Variants in PATL2 observed in about 807,000 individuals in gnomAD.
PATL2 encodes the protein PAT1 homolog 2, also known as protein PAT1 homolog 2.
Under a neutral mutation model 77.0 loss-of-function variants are expected in PATL2, and 73 were observed. The ratio of observed to expected loss-of-function variants is 0.95; its 90% CI spans 0.78 to 1.15. The LOEUF (loss-of-function observed/expected upper bound fraction) is 1.15, where lower values mean the gene tolerates loss of function less well. Among genes scored for constraint, PATL2 ranks in the 50% most tolerant of loss-of-function variants. The pLI, the probability that PATL2 is intolerant of heterozygous loss-of-function variation, is 0.00. For synonymous variants in PATL2, 265 were observed against 257.1 expected (o/e 1.03, Z -0.29); for missense variants, 618 against 655.4 (o/e 0.94, Z 0.62).
chr15:44,678,615 G>A (rs191319277), intron 3 of PATL2, among the ~76,000 whole-genome samples: 1 of 152,076 alleles, frequency 6.6e-6, no homozygotes, highest in Non-Finnish European at 1.5e-5. Flanking sequence ...GCTTCTTCTA[G>A]AATAAGAAGT....
chr15:44,668,943 A>G, intron 14 of PATL2, 37 bp downstream of exon 14: 1 of 1,494,890 alleles, frequency 6.7e-7, no homozygotes, highest in Non-Finnish European at 9.0e-7. Flanking sequence ...TAACCTATTC[A>G]GGAGACCATC....
chr15:44,681,724 T>C (rs1481103881), intron 3 of PATL2, among the ~76,000 whole-genome samples: 11 of 152,222 alleles, frequency 7.2e-5, no homozygotes, highest in African/African-American at 2.4e-4. Context: ...CTGATATCCC[T>C]GGGCAATCTC....
At position 44,669,075 on chromosome 15, in the gene PATL2, G is replaced by T. The variant is rs1566848637; in HGVS notation, c.1129C>A (p.Leu377Met). The stretch of plus-strand genomic sequence containing the variant: ...TGATCCTGGGGCAGGAAGGGGAGCA[G>T]CCGGGCCACCAGGGCCTTCCCCTTC... ...VRKGKALVAR[L>M]LPFLPQDQAV... The change falls in exon 14 of 18, where the codon CTG (leucine) becomes ATG (methionine). Residue 377 changes from leucine to methionine, a missense_variant. Coordinates refer to ENST00000682850, the MANE Select transcript of PATL2 (RefSeq NM_001387263.1). 1 of 1,551,182 alleles carries T rather than the reference G, an allele frequency of 6.4e-7. No individual in the cohort carries two copies. The highest frequency in any genetic ancestry group is 8.7e-7 in the Non-Finnish European group (1 of 1,146,714).
Position 44,672,310 on chromosome 15 carries a change from A to G in PATL2, c.515+78T>C, listed in dbSNP as rs2085727857. On this transcript the variant is annotated intron_variant, in intron 8 of 17. Coordinates refer to ENST00000682850, the MANE Select transcript of PATL2 (RefSeq NM_001387263.1). ...TTTTAACCACCACATGGGAGATTTG[A>G]GGGAGACAACTGGTCACAAGGGGAG... is the stretch of plus-strand genomic sequence containing the variant. 3 of 1,524,308 alleles carry G rather than the reference A, an allele frequency of 2.0e-6. No homozygotes were observed. The East Asian group carries it at 7.4e-5, about 37-fold the overall frequency. The allele number at this position is 1,524,308 out of a possible 1,614,324, so 94.4% of individuals were successfully genotyped here.
At chr15:44,684,515 A>G (rs1307510411) in intron 3 of PATL2, among the ~76,000 whole-genome samples, 1 of 151,914 alleles carries the variant, frequency 6.6e-6, no homozygotes, top group Non-Finnish European at 1.5e-5. Flanking sequence ...AGATCAGCTT[A>G]ATGAAATAAA....
At chr15:44,672,338 C>G in intron 8 of PATL2, 50 bp downstream of exon 8, 1 of 1,537,836 alleles carries the variant, frequency 6.5e-7, no homozygotes, top group Non-Finnish European at 8.8e-7. Context: ...AAGGGGAGAC[C>G]CGGCATGCAA....
rs1179311075 is a variant in PATL2, at chr15:44,672,558, C to T, written c.447-102G>A. On this transcript the variant is annotated intron_variant, in intron 7 of 17. Transcript: ENST00000682850. Reference sequence around the variant, plus strand: ...TCAGCTCTGATGGACATCTAAGGAACCTTATCTGTTTAGGTACTTTCCCAA... The same window carrying T: ...TCAGCTCTGATGGACATCTAAGGAATCTTATCTGTTTAGGTACTTTCCCAA... 5 of 1,184,898 alleles carry T rather than the reference C, an allele frequency of 4.2e-6. No individual in the cohort carries two copies. In the Admixed American group the frequency reaches 8.6e-5, roughly 20 times the overall value. The allele number at this position is 1,184,898 out of a possible 1,614,324, so 73.4% of individuals were successfully genotyped here.
At chr15:44,667,288 A>G in intron 15 of PATL2, 85 bp from the exon 16 acceptor site, 1 of 976,044 alleles carries the variant, frequency 1.0e-6, no homozygotes, top group Non-Finnish European at 1.6e-6. Flanking sequence ...TTCCCAACTA[A>G]AGGACAGGTT....
At chr15:44,670,196 T>C in intron 9 of PATL2, 109 bp from the exon 10 acceptor site, 2 of 1,424,152 alleles carry the variant, frequency 1.4e-6, no homozygotes, top group Non-Finnish European at 1.9e-6. Flanking sequence ...TTTTTTTGTG[T>C]GTGTTATAAG....
At chr15:44,695,828 ACTTCTGATTCTTTACCAAATAATT>A (rs1265017499) in intron 3 of PATL2, among the ~76,000 whole-genome samples, 1 of 152,196 alleles carries the variant, frequency 6.6e-6, no homozygotes, top group Non-Finnish European at 1.5e-5. Context: ...TTTGTTTTAA[ACTTCTGATTCTTTACCAAATAATT>A]CTTCCTGGTT....
At chr15:44,676,435 T>TG (rs1278160177) in intron 4 of PATL2, 40 bp downstream of exon 4, 2 of 1,501,084 alleles carry the variant, frequency 1.3e-6, no homozygotes, top group African/African-American at 2.8e-5. Context: ...CTCTGCATGC[T>TG]GGGGCATTTT....
At chr15:44,695,598 C>G (rs145615002) in intron 3 of PATL2, among the ~76,000 whole-genome samples, 1 of 152,110 alleles carries the variant, frequency 6.6e-6, no homozygotes, top group Non-Finnish European at 1.5e-5. Flanking sequence ...TCCAGGGCAC[C>G]GGCTGCCGGC....
At chr15:44,683,072 T>A (rs1185527828) in intron 3 of PATL2, among the ~76,000 whole-genome samples, 1 of 152,168 alleles carries the variant, frequency 6.6e-6, no homozygotes. Context: ...ATACTACGCT[T>A]TTCCCATCCT....
In PATL2 at chr15:44,673,243, A is replaced by G; in HGVS notation, c.438T>C (p.Pro146=). 6.4e-7 allele frequency: 1 copy of G among 1,551,364 alleles called. No homozygotes were observed. Among genetic ancestry groups the G allele is most frequent in the Non-Finnish European group, 8.7e-7 (1 of 1,146,916 alleles). Residue 146 remains proline, a synonymous_variant, in exon 7 of 18, where the codon CCT becomes CCC. Coordinates refer to ENST00000682850, the MANE Select transcript of PATL2 (RefSeq NM_001387263.1). ...GAACCTCAAACCAGTACCTGAACCT[A>G]GGGGGCCACGAGGTCAGCAGGCTGC... ...LFCSLLTSWP[P]RFSHLTQLHP... is the part of the protein sequence containing the mutation.
intron 3 of PATL2, among the ~76,000 whole-genome samples, chr15:44,699,074 C>T (rs1040728078): frequency 1.3e-5 from 2 of 151,962 alleles, no homozygotes; most frequent in South Asian, 2.1e-4. Flanking sequence ...GATCTTTTGC[C>T]CATTTTTAAA....
At chr15:44,684,682 T>G (rs868811232) in intron 3 of PATL2, among the ~76,000 whole-genome samples, 15 of 152,120 alleles carry the variant, frequency 9.9e-5, no homozygotes, top group South Asian at 4.1e-4. Flanking sequence ...TTCAGGATAT[T>G]ATCCAGGAGA....
chr15:44,710,755 A>G (rs1481209379), intron 2 of PATL2, among the ~76,000 whole-genome samples, 116 bp downstream of exon 2: 1 of 152,180 alleles, frequency 6.6e-6, no homozygotes, highest in Non-Finnish European at 1.5e-5. Flanking sequence ...TAAGAGAATG[A>G]TGTACCTAGA....
intron 3 of PATL2, among the ~76,000 whole-genome samples, chr15:44,708,930 G>A (rs187980927): frequency 6.6e-6 from 1 of 152,184 alleles, no homozygotes; most frequent in African/African-American, 2.4e-5. Context: ...ATGAAGTCTT[G>A]CTCTGTTGCC....
At position 44,669,268 on chromosome 15, in the gene PATL2, T is replaced by TCC; in HGVS notation, c.1064+10_1064+11dup. On this transcript the variant is annotated intron_variant, in intron 13 of 17. Transcript: ENST00000682850. The stretch of plus-strand genomic sequence containing the variant: ...CCCTTCCTGGGCTGAGGTGGAACCC[T>TCC]CCCACACTCACTCCAGGTTGTTCTG... The TCC allele has an allele frequency of 6.5e-7, 1 of 1,544,952 alleles. No individual in the cohort carries two copies. The highest frequency in any genetic ancestry group is 8.8e-7 in the Non-Finnish European group (1 of 1,141,472).
Sources: gnomAD v4.1 joint callset for allele counts (sites outside exome capture counted in the v4.1 genomes callset) on GRCh38, gnomAD v4.1.1 for gene constraint, MANE v1.5 for transcripts, NCBI Gene and HGNC (gene_info 2026-07-23, HGNC 2026-07-21) for gene names.